Variants in ATP13A5 observed in about 807,000 individuals in gnomAD.
The protein encoded by ATP13A5 is probable cation-transporting ATPase 13A5.
ATP13A5 carries 149 observed loss-of-function variants against 150.2 expected under a neutral mutation model. The observed-to-expected ratio is 0.99, with a 90% confidence interval of 0.87 to 1.14. ATP13A5 has a LOEUF of 1.14. Among genes scored for constraint, ATP13A5 ranks in the 50% most tolerant of loss-of-function variants. The pLI, the probability that ATP13A5 is intolerant of heterozygous loss-of-function variation, is 0.00. For synonymous variants in ATP13A5, 497 were observed against 522.2 expected (o/e 0.95, Z 0.66); for missense variants, 1,383 against 1,449.3 (o/e 0.95, Z 0.74).
chr3:193,287,313 A>T (rs1301673050), intron 26 of ATP13A5, among the ~76,000 whole-genome samples: 1 of 152,172 alleles, frequency 6.6e-6, no homozygotes, highest in African/African-American at 2.4e-5. Context: ...TTGGAAGAAG[A>T]TGTCTTCTAG....
In ATP13A5 at chr3:193,311,809, T is replaced by C; in HGVS notation, c.2445+7A>G. The C allele has an allele frequency of 6.2e-7, 1 of 1,613,724 alleles. No individual in the cohort carries two copies. The highest frequency in any genetic ancestry group is 8.5e-7 in the Non-Finnish European group (1 of 1,179,802). On this transcript the variant is annotated splice_region_variant and intron_variant, in intron 20 of 29. Coordinates refer to ENST00000342358, the MANE Select transcript of ATP13A5 (RefSeq NM_198505.4). ...CAAAACAAAACACTTCTTTCTTCAG[T>C]ACTTACTTTTGGAAGCAAGCTGTTG...
chr3:193,327,729 A>G (rs909986210), intron 12 of ATP13A5, among the ~76,000 whole-genome samples: 11 of 152,220 alleles, frequency 7.2e-5, no homozygotes, highest in African/African-American at 2.7e-4. Flanking sequence ...GCCGAGTACT[A>G]TCACAGCACT....
chr3:193,354,940 C>CTTTTTTTTTTCTTTTT lies in ATP13A5; in HGVS notation c.537-745_537-744insAAAAAGAAAAAAAAAA, dbSNP rs545467259. Among the ~76,000 whole-genome samples the CTTTTTTTTTTCTTTTT allele has an allele frequency of 1.0e-4, 13 of 127,972 alleles. 1 individual carries two copies. Among genetic ancestry groups the CTTTTTTTTTTCTTTTT allele is most frequent in the African/African-American group, 3.6e-4 (12 of 33,598 alleles). The allele number at this position is 127,972 out of a possible 152,430, so 84.0% of individuals were successfully genotyped here. On this transcript the variant is annotated intron_variant, in intron 5 of 29. Transcript: ENST00000342358. ...TCTAGTATGAATCACAACAATGTAACTTTTTTTTTGAGATGGAGTTTCACT... is the reference window on the plus strand; with the variant it reads ...TCTAGTATGAATCACAACAATGTAACTTTTTTTTTTCTTTTTTTTTTTTTTGAGATGGAGTTTCACT...
At chr3:193,327,464 C>T (rs1024079154) in intron 12 of ATP13A5, among the ~76,000 whole-genome samples, 9 of 152,032 alleles carry the variant, frequency 5.9e-5, no homozygotes, top group Non-Finnish European at 1.3e-4. Flanking sequence ...CGAGACTGTT[C>T]AGTTCACAGT....
At chr3:193,301,562 T>C (rs1436256996) in intron 23 of ATP13A5, among the ~76,000 whole-genome samples, 1 of 152,224 alleles carries the variant, frequency 6.6e-6, no homozygotes, top group African/African-American at 2.4e-5. Flanking sequence ...TCATAGAGGA[T>C]ATAAAATGAA....
At chr3:193,306,050 G>T (rs945241703) in intron 22 of ATP13A5, among the ~76,000 whole-genome samples, 2 of 151,908 alleles carry the variant, frequency 1.3e-5, no homozygotes, top group African/African-American at 4.8e-5. Context: ...TTCAGTTCTT[G>T]TACCTGGTGG....
chr3:193,338,492 A>ATG (rs1711982895), intron 9 of ATP13A5, among the ~76,000 whole-genome samples: 1 of 152,162 alleles, frequency 6.6e-6, no homozygotes, highest in South Asian at 2.1e-4. Context: ...TGAGATAATC[A>ATG]TGTGGGTTTT....
chr3:193,311,618 C>T (rs527847138), intron 20 of ATP13A5, among the ~76,000 whole-genome samples, 198 bp downstream of exon 20: 103 of 152,178 alleles, frequency 6.8e-4, no homozygotes, highest in East Asian at 3.3e-3. Flanking sequence ...AAACTCTGAA[C>T]GGGAGGCCGT....
chr3:193,343,310 T>A (rs182879377), intron 9 of ATP13A5, among the ~76,000 whole-genome samples: 54 of 152,330 alleles, frequency 3.5e-4, no homozygotes, highest in Non-Finnish European at 7.2e-4. Context: ...ATTAAACAAA[T>A]TCAAGTAGAC....
intron 27 of ATP13A5, chr3:193,281,235 C>T (rs1214091637): frequency 2.0e-6 from 2 of 984,396 alleles, no homozygotes; most frequent in Non-Finnish European, 2.4e-6. Context: ...GAAGAGGACG[C>T]CTGAAAGGTC....
At chr3:193,284,805 T>C (rs1053033817) in intron 27 of ATP13A5, 109 bp downstream of exon 27, 1 of 926,674 alleles carries the variant, frequency 1.1e-6, no homozygotes, top group Non-Finnish European at 1.6e-6. Context: ...TTTAGAGTCA[T>C]GCAATTGTTT....
intron 5 of ATP13A5, among the ~76,000 whole-genome samples, chr3:193,355,553 G>C (rs1195938736): frequency 1.3e-5 from 2 of 152,106 alleles, no homozygotes; most frequent in Non-Finnish European, 2.9e-5. Context: ...TGACTTCTTA[G>C]CCATATTTCT....
intron 29 of ATP13A5, 142 bp from the exon 30 acceptor site, chr3:193,275,444 A>G: frequency 1.0e-6 from 1 of 972,676 alleles, no homozygotes; most frequent in Admixed American, 2.6e-5. Flanking sequence ...TCCTTTCCCA[A>G]GTTCTGGAAT....
At chr3:193,295,448 T>G (rs1718129283) in intron 25 of ATP13A5, among the ~76,000 whole-genome samples, 1 of 152,102 alleles carries the variant, frequency 6.6e-6, no homozygotes, top group Non-Finnish European at 1.5e-5. Flanking sequence ...CTCTTCTTCC[T>G]CTGGACTCCC....
chr3:193,284,865 AG>A, intron 27 of ATP13A5, 48 bp downstream of exon 27: 1 of 1,453,292 alleles, frequency 6.9e-7, no homozygotes, highest in Non-Finnish European at 9.4e-7. Flanking sequence ...AGGGTGAGAA[AG>A]GGAATGGGAA....
At position 193,340,646 on chromosome 3, in the gene ATP13A5, C is replaced by A. The variant is rs147186648; in HGVS notation, c.943+3281G>T. On this transcript the variant is annotated intron_variant, in intron 9 of 29. Coordinates refer to ENST00000342358, the MANE Select transcript of ATP13A5 (RefSeq NM_198505.4). ...TTGCGGCAGAGTGCATGCCACCCCT[C>A]TTCGCCATAATTATCCCTAAGAGAA... 1.4e-4 allele frequency among the ~76,000 whole-genome samples: 22 copies of A among 152,294 alleles called. No homozygotes were observed. The East Asian group carries it at 4.2e-3, about 29-fold the overall frequency.
chr3:193,359,081 GATAT>G (rs10542234), intron 5 of ATP13A5, among the ~76,000 whole-genome samples: 1 of 151,226 alleles, frequency 6.6e-6, no homozygotes, highest in African/African-American at 2.4e-5. Flanking sequence ...TTAAAGAAAG[GATAT>G]ATATATATAT....
intron 26 of ATP13A5, among the ~76,000 whole-genome samples, chr3:193,289,083 T>G (rs1173728173): frequency 6.6e-6 from 1 of 152,196 alleles, no homozygotes; most frequent in Non-Finnish European, 1.5e-5. Flanking sequence ...GATCATTTGC[T>G]AGTTTTCAAT....
intron 13 of ATP13A5, among the ~76,000 whole-genome samples, chr3:193,325,573 T>C (rs10937579): frequency 0.6 from 90,871 of 151,964 alleles, 28,406 homozygotes; most frequent in Non-Finnish European, 0.7. Context: ...GCAAACTCTG[T>C]AGAGCTGTCT....
Sources: gnomAD v4.1 joint callset for allele counts (sites outside exome capture counted in the v4.1 genomes callset) on GRCh38, gnomAD v4.1.1 for gene constraint, MANE v1.5 for transcripts, NCBI Gene and HGNC (gene_info 2026-07-23, HGNC 2026-07-21) for gene names.